The following C9 variants were observed in gnomAD, a reference collection of about 807,000 sequenced individuals.
C9 encodes the protein complement component C9.
Under a neutral mutation model 65.4 loss-of-function variants are expected in C9, and 63 were observed. That is an observed-to-expected ratio of 0.96 (90% CI 0.79 to 1.19). C9 has a LOEUF of 1.19. Ranked by LOEUF, C9 falls within the 50% of genes most tolerant of loss-of-function variation. The probability of loss-of-function intolerance (pLI) is 0.00; values close to 1 mark genes in which losing one functional copy is unlikely to be tolerated. For missense variants in C9, 744 were observed against 670.1 expected, an observed-to-expected ratio of 1.11 and a Z score of -1.22; for synonymous variants, 229 against 227.9, an observed-to-expected ratio of 1.00 and a Z score of -0.04.
At chr5:39,345,579 T>C (rs955241989) in intron 1 of C9, among the ~76,000 whole-genome samples, 8 of 151,994 alleles carry the variant, frequency 5.3e-5, no homozygotes, top group African/African-American at 1.9e-4. Flanking sequence ...TAATGGGAGA[T>C]TTTAACACCC....
intron 1 of C9, among the ~76,000 whole-genome samples, chr5:39,343,173 A>G (rs964550506): frequency 6.6e-6 from 1 of 152,146 alleles, no homozygotes; most frequent in African/African-American, 2.4e-5. Flanking sequence ...CTCATCAGAC[A>G]GTGGGGGCAG....
chr5:39,285,352 A>G, intron 10 of C9, 119 bp from the exon 11 acceptor site: 4 of 782,982 alleles, frequency 5.1e-6, no homozygotes, highest in Non-Finnish European at 9.2e-6. Context: ...CATACTGTCT[A>G]GGTACTGGGA....
intron 10 of C9, among the ~76,000 whole-genome samples, chr5:39,285,530 T>C (rs191338806): frequency 7.9e-5 from 12 of 152,246 alleles, no homozygotes; most frequent in African/African-American, 2.9e-4. Flanking sequence ...TCATCAAAGA[T>C]ATGCTAATTG....
chr5:39,309,269 A>AACAC (rs371896549), intron 7 of C9, among the ~76,000 whole-genome samples: 2 of 151,092 alleles, frequency 1.3e-5, no homozygotes, highest in Non-Finnish European at 3.0e-5. Context: ...CATACATGCA[A>AACAC]ACACACACAC....
At chr5:39,286,921 T>C (rs544037142) in intron 10 of C9, among the ~76,000 whole-genome samples, 1 of 152,046 alleles carries the variant, frequency 6.6e-6, no homozygotes, top group Non-Finnish European at 1.5e-5. Flanking sequence ...TTGTAAGAGA[T>C]GAAAATATGG....
Position 39,305,914 on chromosome 5 carries a change from A to T in C9, c.1416+703T>A, listed in dbSNP as rs927399211. On this transcript the variant is annotated intron_variant, in intron 9 of 10. Coordinates refer to ENST00000263408, the MANE Select transcript of C9 (RefSeq NM_001737.5). ...GGGGGCTCACGTCTGTAATCCCAGG[A>T]CTTTGGAAGGCTGAGGCAGGCAGAT... is the stretch of plus-strand genomic sequence containing the variant. 8.2e-4 allele frequency among the ~76,000 whole-genome samples: 125 copies of T among 152,102 alleles called. 1 individual carries two copies. Among genetic ancestry groups the T allele is most frequent in the Admixed American group, 8.0e-3 (122 of 15,258 alleles).
intron 9 of C9, among the ~76,000 whole-genome samples, chr5:39,304,054 C>A (rs1241328268): frequency 2.6e-5 from 4 of 152,044 alleles, no homozygotes; most frequent in African/African-American, 9.7e-5. Flanking sequence ...AGAAGTGTTT[C>A]AGTTTTTATT....
intron 5 of C9, among the ~76,000 whole-genome samples, chr5:39,324,006 A>C (rs998251447): frequency 6.6e-6 from 1 of 152,210 alleles, no homozygotes; most frequent in African/African-American, 2.4e-5. Flanking sequence ...AGTCTGTTGC[A>C]TTTCTACTCA....
chr5:39,285,255 C>G, intron 10 of C9, 22 bp from the exon 11 acceptor site: 1 of 1,602,862 alleles, frequency 6.2e-7, no homozygotes. Flanking sequence ...AAATAAGTAT[C>G]AAATCTTAAT....
intron 1 of C9, among the ~76,000 whole-genome samples, chr5:39,345,407 A>T (rs1436881533): frequency 6.6e-6 from 1 of 152,230 alleles, no homozygotes; most frequent in Non-Finnish European, 1.5e-5. Flanking sequence ...AAACCAAAAA[A>T]GATCAAAAGA....
At chr5:39,289,464 TAAATTCATTGAG>T (rs1753050844) in intron 9 of C9, among the ~76,000 whole-genome samples, 1 of 151,568 alleles carries the variant, frequency 6.6e-6, no homozygotes, top group South Asian at 2.1e-4. Context: ...TCTAAAAGTC[TAAATTCATTGAG>T]AAATTTTTGT....
At chr5:39,359,100 G>GTATATATATATA (rs1270604293) in intron 1 of C9, among the ~76,000 whole-genome samples, 41 of 87,808 alleles carry the variant, frequency 4.7e-4, no homozygotes, top group East Asian at 3.4e-3. Flanking sequence ...GTGTGTGTGT[G>GTATATATATATA]TGTATATATA....
intron 1 of C9, 88 bp downstream of exon 1, chr5:39,364,300 A>C (rs529607224): frequency 2.6e-6 from 2 of 774,658 alleles, no homozygotes; most frequent in African/African-American, 1.7e-5. Flanking sequence ...GTGGATTAAC[A>C]TTGTCATGTA....
chr5:39,321,923 C>T (rs1070277), intron 5 of C9, among the ~76,000 whole-genome samples: 2,832 of 152,066 alleles, frequency 0.019, 96 homozygotes, highest in African/African-American at 0.065. Context: ...TAATACTCCA[C>T]GTTCAACAAT....
intron 2 of C9, 75 bp downstream of exon 2, chr5:39,342,016 A>G: frequency 1.1e-6 from 1 of 891,298 alleles, no homozygotes; most frequent in Non-Finnish European, 1.9e-6. Flanking sequence ...CCTGCCTCAT[A>G]ATCATTTTTC....
intron 5 of C9, among the ~76,000 whole-genome samples, chr5:39,323,233 A>G (rs926137786): frequency 6.6e-6 from 1 of 152,030 alleles, no homozygotes; most frequent in African/African-American, 2.4e-5. Flanking sequence ...AGTCTACCAG[A>G]TATTTAAAGA....
chr5:39,352,844 T>C (rs913500813), intron 1 of C9, among the ~76,000 whole-genome samples: 2 of 151,784 alleles, frequency 1.3e-5, no homozygotes, highest in African/African-American at 4.8e-5. Flanking sequence ...GTTTTTTTTT[T>C]TTTTTTTTTT....
intron 8 of C9, among the ~76,000 whole-genome samples, chr5:39,307,374 T>C (rs1753400924): frequency 6.6e-6 from 1 of 152,176 alleles, no homozygotes; most frequent in African/African-American, 2.4e-5. Context: ...TGTCATCCCC[T>C]CTTCATTTTT....
At chr5:39,293,630 C>T (rs1443992361) in intron 9 of C9, among the ~76,000 whole-genome samples, 1 of 151,886 alleles carries the variant, frequency 6.6e-6, no homozygotes, top group South Asian at 2.1e-4. Context: ...TCACTGTCAG[C>T]GTTGGAGAGA....
Sources: gnomAD v4.1 joint callset for allele counts (sites outside exome capture counted in the v4.1 genomes callset) on GRCh38, gnomAD v4.1.1 for gene constraint, MANE v1.5 for transcripts, NCBI Gene and HGNC (gene_info 2026-07-23, HGNC 2026-07-21) for gene names.